The following TRPM3 variants were observed in gnomAD, a reference collection of about 807,000 sequenced individuals.
The protein encoded by TRPM3 is transient receptor potential cation channel subfamily M member 3.
A neutral mutation model predicts 181.2 loss-of-function variants in TRPM3; 77 were observed. That is an observed-to-expected ratio of 0.42 (90% CI 0.35 to 0.51). TRPM3 has a LOEUF of 0.51. Ranked by LOEUF, TRPM3 falls within the 20% of genes least tolerant of loss-of-function variation. The pLI, the probability that TRPM3 is intolerant of heterozygous loss-of-function variation, is 0.01. For synonymous variants in TRPM3, 745 were observed against 796.4 expected (o/e 0.94, Z 1.09); for missense variants, 1,759 against 2,196.7 (o/e 0.80, Z 3.98).
At chr9:71,197,118 A>G (rs916742531) in intron 1 of TRPM3, among the ~76,000 whole-genome samples, 179 of 151,820 alleles carry the variant, frequency 1.2e-3, no homozygotes, top group Non-Finnish European at 2.0e-3. Context: ...AGAACATGCG[A>G]TGTTTGGTTT....
rs546968790 is a variant in TRPM3 at position 70,973,130 on chromosome 9, T to C, written c.178-108619A>G. Among the ~76,000 whole-genome samples, 278 of 152,358 alleles carry C rather than the reference T, an allele frequency of 1.8e-3. 4 individuals carry two copies. The highest frequency in any genetic ancestry group is 2.1e-3 in the Non-Finnish European group (140 of 68,018). ...CCTGGAATTTGTTTCTGCTGAATTG[T>C]AGTCCTGTCCTCTTTAATGCTTACC... is the stretch of plus-strand genomic sequence containing the variant. On this transcript the variant is annotated intron_variant, in intron 1 of 25. Coordinates refer to ENST00000677713, the MANE Select transcript of TRPM3 (RefSeq NM_001366145.2).
chr9:70,930,012 G>A (rs966320883), intron 1 of TRPM3, among the ~76,000 whole-genome samples: 46 of 152,134 alleles, frequency 3.0e-4, no homozygotes, highest in Non-Finnish European at 1.0e-4. Flanking sequence ...ATTTACTTAT[G>A]AGGTTCAGAG....
intron 9 of TRPM3, among the ~76,000 whole-genome samples, chr9:70,655,558 A>C (rs2060223891): frequency 1.3e-5 from 2 of 152,100 alleles, no homozygotes; most frequent in Admixed American, 1.3e-4. Flanking sequence ...CTCATGGCTA[A>C]GTTCTAAAGT....
intron 6 of TRPM3, among the ~76,000 whole-genome samples, chr9:70,801,948 G>T (rs1588543863): frequency 1.3e-5 from 2 of 152,292 alleles, no homozygotes; most frequent in Admixed American, 1.3e-4. Context: ...CTCAATTTTA[G>T]CATGCATCAG....
chr9:70,670,100 T>C (rs780893662), intron 9 of TRPM3, among the ~76,000 whole-genome samples: 14 of 152,210 alleles, frequency 9.2e-5, no homozygotes, highest in Non-Finnish European at 1.9e-4. Context: ...GGGTGTGAGA[T>C]AGTATGATAC....
rs551254358 is a variant in TRPM3 at position 71,025,366 on chromosome 9, T to TTA, written c.177+95811_177+95812insTA. 9.2e-5 allele frequency among the ~76,000 whole-genome samples: 14 copies of TTA among 152,296 alleles called. No homozygotes were observed. In the East Asian group the frequency reaches 2.5e-3, roughly 27 times the overall value. On this transcript the variant is annotated intron_variant, in intron 1 of 25. Transcript: ENST00000677713. ...TACTGAAGTAGCCCTGAAGTCTATATAACAACAGCTGTGAAGAACTCCACT... is the reference window on the plus strand; with the variant it reads ...TACTGAAGTAGCCCTGAAGTCTATATTAAACAACAGCTGTGAAGAACTCCACT...
At chr9:70,564,306 C>T (rs1471876178) in intron 22 of TRPM3, among the ~76,000 whole-genome samples, 1 of 151,940 alleles carries the variant, frequency 6.6e-6, no homozygotes, top group Non-Finnish European at 1.5e-5. Flanking sequence ...TGTTGCTGTC[C>T]ACCTACCTAT....
intron 1 of TRPM3, among the ~76,000 whole-genome samples, chr9:71,141,904 T>A (rs1343359948): frequency 6.6e-6 from 1 of 152,174 alleles, no homozygotes; most frequent in Non-Finnish European, 1.5e-5. Flanking sequence ...TTGCTGTACT[T>A]GTTTTGATTG....
chr9:70,632,923 G>C (rs960739804), intron 12 of TRPM3, among the ~76,000 whole-genome samples: 10 of 152,178 alleles, frequency 6.6e-5, no homozygotes, highest in African/African-American at 2.4e-4. Flanking sequence ...TTTCAGAAAA[G>C]AGAAAACAAT....
intron 1 of TRPM3, among the ~76,000 whole-genome samples, chr9:71,353,164 C>A (rs1486632903): frequency 6.6e-6 from 1 of 151,990 alleles, no homozygotes; most frequent in Non-Finnish European, 1.5e-5. Flanking sequence ...AAATTTTACT[C>A]CTTCTCCAAT....
At chr9:70,825,645 C>G (rs7862839) in intron 6 of TRPM3, 56,520 of 152,280 alleles carry the variant, frequency 0.37, 12,210 homozygotes, top group African/African-American at 0.6. Context: ...ATCCACCGTG[C>G]CCTGCTCTTC....
At chr9:71,188,372 A>G (rs1156816065) in intron 1 of TRPM3, among the ~76,000 whole-genome samples, 1 of 151,854 alleles carries the variant, frequency 6.6e-6, no homozygotes, top group Admixed American at 6.6e-5. Context: ...AACAGTGCCC[A>G]TTTTTAGAGT....
intron 1 of TRPM3, among the ~76,000 whole-genome samples, chr9:70,864,864 G>A (rs2095613001): frequency 1.3e-5 from 2 of 151,988 alleles, no homozygotes; most frequent in African/African-American, 4.8e-5. Flanking sequence ...TAACCTTATA[G>A]AAAACAAGTA....
intron 1 of TRPM3, among the ~76,000 whole-genome samples, chr9:71,086,206 G>C (rs1490019544): frequency 1.3e-5 from 2 of 151,880 alleles, no homozygotes; most frequent in Non-Finnish European, 2.9e-5. Flanking sequence ...AGGTGTGGGA[G>C]GGAGGGAGGA....
chr9:71,018,819 T>G (rs1237974746), intron 1 of TRPM3, among the ~76,000 whole-genome samples: 1 of 151,778 alleles, frequency 6.6e-6, no homozygotes, highest in Non-Finnish European at 1.5e-5. Context: ...TGATACTAAA[T>G]CCTGACAAGA....
At chr9:71,356,136 G>T (rs2091889436) in intron 1 of TRPM3, among the ~76,000 whole-genome samples, 1 of 152,076 alleles carries the variant, frequency 6.6e-6, no homozygotes, top group Admixed American at 6.6e-5. Context: ...TCCATTCAAC[G>T]AATGGAAACA....
intron 1 of TRPM3, among the ~76,000 whole-genome samples, chr9:71,232,919 C>T (rs189536755): frequency 4.6e-5 from 7 of 152,250 alleles, no homozygotes; most frequent in Non-Finnish European, 8.8e-5. Flanking sequence ...TTCCAGTCCC[C>T]GTTTTCACAC....
chr9:71,086,991 C>G (rs562306989), intron 1 of TRPM3, among the ~76,000 whole-genome samples: 1 of 152,064 alleles, frequency 6.6e-6, no homozygotes, highest in East Asian at 1.9e-4. Flanking sequence ...ATGAAACTAC[C>G]GAATTTCCTG....
chr9:70,933,636 A>T (rs1211619086), intron 1 of TRPM3, among the ~76,000 whole-genome samples: 1 of 152,120 alleles, frequency 6.6e-6, no homozygotes, highest in Non-Finnish European at 1.5e-5. Context: ...GGATTTCAAA[A>T]GTTTTGTTAC....
Sources: allele counts gnomAD v4.1 joint callset (sites outside exome capture counted in the v4.1 genomes callset), GRCh38; gene constraint gnomAD v4.1.1; transcripts MANE v1.5; gene names NCBI Gene and HGNC (gene_info 2026-07-23, HGNC 2026-07-21).